The following TMEM266 variants were observed in gnomAD, a reference collection of about 807,000 sequenced individuals.
The protein encoded by TMEM266 is transmembrane protein 266.
A neutral mutation model predicts 50.5 loss-of-function variants in TMEM266; 33 were observed. The observed-to-expected ratio is 0.65, with a 90% CI of 0.50 to 0.87. The LOEUF (loss-of-function observed/expected upper bound fraction) is 0.87, where lower values mean the gene tolerates loss of function less well. TMEM266 is among the 40% of genes least tolerant of loss of function. The pLI is 0.00. For synonymous variants in TMEM266, 310 were observed against 292.3 expected (o/e 1.06, Z -0.62); for missense variants, 655 against 695.1 (o/e 0.94, Z 0.65).
chr15:76,171,525 A>G (rs1441036962), intron 7 of TMEM266, among the ~76,000 whole-genome samples: 1 of 152,100 alleles, frequency 6.6e-6, no homozygotes, highest in Non-Finnish European at 1.5e-5. Flanking sequence ...CAGCCTCACC[A>G]CTGGCTCTAT....
At chr15:76,133,435 T>TAA (rs36008738) in intron 1 of TMEM266, among the ~76,000 whole-genome samples, 2 of 151,566 alleles carry the variant, frequency 1.3e-5, no homozygotes, top group Admixed American at 6.6e-5. Flanking sequence ...AAACTCCATC[T>TAA]AAAAAAAATA....
intron 1 of TMEM266, among the ~76,000 whole-genome samples, chr15:76,123,268 G>T (rs1291964564): frequency 6.6e-6 from 1 of 152,160 alleles, no homozygotes; most frequent in African/African-American, 2.4e-5. Flanking sequence ...AGGGGGTCAA[G>T]GTAACAACAA....
At chr15:76,110,587 G>T (rs1457726732) in intron 1 of TMEM266, among the ~76,000 whole-genome samples, 10 of 152,170 alleles carry the variant, frequency 6.6e-5, no homozygotes, top group Admixed American at 6.5e-4. Context: ...CATAGACATG[G>T]ACTGCCAAAC....
At chr15:76,110,686 TATG>T (rs1467107469) in intron 1 of TMEM266, among the ~76,000 whole-genome samples, 3 of 152,158 alleles carry the variant, frequency 2.0e-5, no homozygotes, top group Admixed American at 6.6e-5. Flanking sequence ...AGAAAAAGAA[TATG>T]ATGAAACGAC....
At chr15:76,080,741 G>A (rs1283224948) in intron 1 of TMEM266, among the ~76,000 whole-genome samples, 4 of 151,774 alleles carry the variant, frequency 2.6e-5, no homozygotes, top group African/African-American at 2.4e-5. Flanking sequence ...GTATGGACAC[G>A]CCATGGATTT....
chr15:76,175,008 C>T (rs1305602925), intron 7 of TMEM266: 4 of 153,036 alleles, frequency 2.6e-5, no homozygotes, highest in African/African-American at 7.2e-5. Flanking sequence ...TGTGTAGACA[C>T]ATGTTTTCCT....
chr15:76,124,819 G>A (rs745400098), intron 1 of TMEM266, among the ~76,000 whole-genome samples: 60 of 151,394 alleles, frequency 4.0e-4, no homozygotes, highest in Non-Finnish European at 7.5e-4. Flanking sequence ...AATTCCAATG[G>A]CACTTTTCAC....
At position 76,137,565 on chromosome 15, in the gene TMEM266, G is replaced by C. The variant is rs577119878; in HGVS notation, c.39-142G>C. 5.1e-3 allele frequency: 4,047 copies of C among 789,602 alleles called. 24 individuals carry two copies. The highest frequency in any genetic ancestry group is 7.0e-3 in the Non-Finnish European group (3,278 of 468,142). 48.9% of individuals were successfully genotyped at this position (789,602 alleles called of 1,614,324 possible). On this transcript the variant is annotated intron_variant, in intron 2 of 10. Coordinates refer to ENST00000388942, the MANE Select transcript of TMEM266 (RefSeq NM_152335.3). ...AGTCCAGTCCTCGGGTCCGCGGGTG[G>C]CCAGCAGGGAAGAGGGGCAACCTTA...
intron 3 of TMEM266, among the ~76,000 whole-genome samples, chr15:76,142,424 A>C (rs372520553): frequency 6.6e-6 from 1 of 152,144 alleles, no homozygotes; most frequent in Non-Finnish European, 1.5e-5. Flanking sequence ...CCTGCTTTCA[A>C]TGCTTTTGGG....
intron 1 of TMEM266, among the ~76,000 whole-genome samples, chr15:76,084,598 G>GTTTTTT: frequency 1.1e-5 from 1 of 87,678 alleles, no homozygotes; most frequent in African/African-American, 3.7e-5. Flanking sequence ...GTTTTTTTTG[G>GTTTTTT]TTTTTTTTTT....
Position 76,153,671 on chromosome 15 carries a change from G to T in TMEM266, c.228-2933G>T, listed in dbSNP as rs762672218. On this transcript the variant is annotated intron_variant, in intron 3 of 10. Transcript: ENST00000388942. The surrounding 1 kb of genome is among the most constrained non-coding windows in gnomAD (Gnocchi z 4.2). ...GGGCGCTGAGGCGGCTGGAGGCTGGGTGTGAACTTGGGGTGAGAGGTGTGA... is the reference window on the plus strand; with the variant it reads ...GGGCGCTGAGGCGGCTGGAGGCTGGTTGTGAACTTGGGGTGAGAGGTGTGA... Among the ~76,000 whole-genome samples the T allele has an allele frequency of 1.3e-5, 2 of 152,158 alleles. No individual in the cohort carries two copies. The highest frequency in any genetic ancestry group is 2.9e-5 in the Non-Finnish European group (2 of 68,038).
intron 8 of TMEM266, among the ~76,000 whole-genome samples, chr15:76,177,477 GCA>G (rs2142067073): frequency 6.6e-6 from 1 of 152,374 alleles, no homozygotes; most frequent in Non-Finnish European, 1.5e-5. Flanking sequence ...ACAGGAACAC[GCA>G]CACAGTGTCT....
intron 1 of TMEM266, among the ~76,000 whole-genome samples, chr15:76,118,452 G>A (rs1180109684): frequency 1.3e-5 from 2 of 152,176 alleles, no homozygotes; most frequent in Admixed American, 6.5e-5. Flanking sequence ...CCAGCAACTC[G>A]GGAGGCTAAG....
chr15:76,154,554 C>T (rs2037894787), intron 3 of TMEM266, among the ~76,000 whole-genome samples: 1 of 152,006 alleles, frequency 6.6e-6, no homozygotes, highest in Non-Finnish European at 1.5e-5. Flanking sequence ...GGCTGATTTC[C>T]TCATCTCTTG....
intron 1 of TMEM266, among the ~76,000 whole-genome samples, chr15:76,091,678 C>T (rs1431155634): frequency 6.6e-6 from 1 of 151,586 alleles, no homozygotes; most frequent in African/African-American, 2.4e-5. Context: ...CAATGAGAAA[C>T]CTCAGAAGGA....
chr15:76,183,291 T>C (rs1447582485), intron 8 of TMEM266, among the ~76,000 whole-genome samples: 1 of 151,630 alleles, frequency 6.6e-6, no homozygotes, highest in Non-Finnish European at 1.5e-5. Context: ...AATTTTTGTA[T>C]TTTTAGTAGA....
chr15:76,180,607 C>CTTTTTTTTTT (rs59287886), intron 8 of TMEM266, among the ~76,000 whole-genome samples: 1 of 63,170 alleles, frequency 1.6e-5, no homozygotes, highest in Non-Finnish European at 2.7e-5. Flanking sequence ...TCATCTTAAG[C>CTTTTTTTTTT]TTTTTTTTTT....
chr15:76,146,862 CA>C (rs1185024826), intron 3 of TMEM266, among the ~76,000 whole-genome samples: 5 of 152,206 alleles, frequency 3.3e-5, no homozygotes, highest in Admixed American at 1.3e-4. Context: ...CCTCCATCAC[CA>C]CACCCAGGGG....
At chr15:76,190,008 C>T (rs1169800308) in intron 8 of TMEM266, among the ~76,000 whole-genome samples, 2 of 152,190 alleles carry the variant, frequency 1.3e-5, no homozygotes, top group Admixed American at 6.5e-5. Flanking sequence ...TGCCTGGCCA[C>T]CCTGTTGTTG....
Sources: allele counts gnomAD v4.1 joint callset (sites outside exome capture counted in the v4.1 genomes callset), GRCh38; gene constraint gnomAD v4.1.1; non-coding constraint Gnocchi (gnomAD v3.1); transcripts MANE v1.5; gene names NCBI Gene and HGNC (gene_info 2026-07-23, HGNC 2026-07-21).